The following BICD1 variants were observed in gnomAD, a reference collection of about 807,000 sequenced individuals.
BICD1 encodes the protein protein bicaudal D homolog 1.
Under a neutral mutation model 92.5 loss-of-function variants are expected in BICD1, and 35 were observed. That is an observed-to-expected ratio of 0.38 (90% confidence interval 0.29 to 0.50). BICD1 has a LOEUF of 0.50. BICD1 is among the 20% of genes least tolerant of loss of function. The pLI, the probability that BICD1 is intolerant of heterozygous loss-of-function variation, is 0.93. For synonymous variants in BICD1, 429 were observed against 465.1 expected, an observed-to-expected ratio of 0.92 and a Z score of 1.00; for missense variants, 950 against 1,189.8, an observed-to-expected ratio of 0.80 and a Z score of 2.97.
rs1319056697 is a variant in BICD1 at position 32,119,673 on chromosome 12, A to C, written c.213+12129A>C. On this transcript the variant is annotated intron_variant, in intron 1 of 9. Transcript: ENST00000652176. ...GATCATATGAGGCCAGGAGTTTGAG[A>C]CCAGCCTGACCAACGTGGCGAAACC... 5.9e-5 allele frequency among the ~76,000 whole-genome samples: 9 copies of C among 152,204 alleles called. No homozygotes were observed. The South Asian group carries it at 8.3e-4, about 14-fold the overall frequency.
At chr12:32,156,298 CAT>C (rs1305448998) in intron 1 of BICD1, among the ~76,000 whole-genome samples, 18 of 152,312 alleles carry the variant, frequency 1.2e-4, no homozygotes, top group African/African-American at 3.8e-4. Flanking sequence ...GTGGGACAAA[CAT>C]ACCTCTGTGT....
intron 2 of BICD1, among the ~76,000 whole-genome samples, chr12:32,261,258 C>CACAG (rs760963849): frequency 6.6e-6 from 1 of 152,198 alleles, no homozygotes; most frequent in Non-Finnish European, 1.5e-5. Flanking sequence ...CTCCTAGATG[C>CACAG]ACAGACGATG....
intron 1 of BICD1, among the ~76,000 whole-genome samples, chr12:32,194,884 AAAAAT>A (rs1307528850): frequency 2.0e-5 from 3 of 151,616 alleles, no homozygotes; most frequent in Non-Finnish European, 2.9e-5. Context: ...CTCCATCCCA[AAAAAT>A]AAAATAAAAC....
intron 3 of BICD1, among the ~76,000 whole-genome samples, chr12:32,297,948 G>A (rs945862670): frequency 6.6e-6 from 1 of 152,098 alleles, no homozygotes; most frequent in Non-Finnish European, 1.5e-5. Flanking sequence ...CACTTTGGGA[G>A]GCTGAGGAGG....
intron 4 of BICD1, among the ~76,000 whole-genome samples, chr12:32,324,053 G>A (rs989383856): frequency 3.3e-5 from 5 of 152,042 alleles, no homozygotes; most frequent in African/African-American, 7.2e-5. Context: ...GCTTAGGGCC[G>A]GGCGCGGTGG....
At chr12:32,374,635 T>C (rs1484511286) in intron 9 of BICD1, among the ~76,000 whole-genome samples, 2 of 147,960 alleles carry the variant, frequency 1.4e-5, no homozygotes, top group South Asian at 2.2e-4. Flanking sequence ...TGGCGTGATC[T>C]CAGCTCACCG....
chr12:32,110,065 A>C (rs1941629467), intron 1 of BICD1, among the ~76,000 whole-genome samples: 1 of 152,262 alleles, frequency 6.6e-6, no homozygotes, highest in Non-Finnish European at 1.5e-5. Flanking sequence ...GTTTATGGGA[A>C]TGTCAACAGA....
intron 5 of BICD1, chr12:32,333,339 C>T (rs1937961813): frequency 2.2e-6 from 2 of 904,480 alleles, no homozygotes; most frequent in Non-Finnish European, 2.6e-6. Context: ...AGTAAAGTCT[C>T]ATTTTAATCT....
At chr12:32,166,403 T>C (rs1042167382) in intron 1 of BICD1, among the ~76,000 whole-genome samples, 1 of 152,118 alleles carries the variant, frequency 6.6e-6, no homozygotes, top group East Asian at 1.9e-4. Flanking sequence ...CCCAAAGTGC[T>C]GGGATTACAG....
chr12:32,130,343 A>G (rs953497577), intron 1 of BICD1, among the ~76,000 whole-genome samples: 1 of 152,016 alleles, frequency 6.6e-6, no homozygotes, highest in South Asian at 2.1e-4. Flanking sequence ...AGCTGGGACT[A>G]CAGGCGCCTG....
chr12:32,107,244 C>A lies in BICD1; in HGVS notation c.-88C>A. 8.1e-7 allele frequency: 1 copy of A among 1,234,858 alleles called. No individual in the cohort carries two copies. The highest frequency in any genetic ancestry group is 1.5e-5 in the South Asian group (1 of 68,692). 76.5% of individuals were successfully genotyped at this position (1,234,858 alleles called of 1,614,324 possible). On this transcript the variant is annotated 5_prime_UTR_variant, in exon 1 of 10. Transcript: ENST00000652176. Reference sequence around the variant, plus strand: ...ACTTTCTTTTCCGTTTCCACCCATCCCTTCCCATTTCCTTCTCCCTTTCCC... The same window carrying A: ...ACTTTCTTTTCCGTTTCCACCCATCACTTCCCATTTCCTTCTCCCTTTCCC...
chr12:32,289,777 T>C (rs1373580185), intron 2 of BICD1, among the ~76,000 whole-genome samples: 2 of 152,242 alleles, frequency 1.3e-5, no homozygotes, highest in African/African-American at 4.8e-5. Flanking sequence ...ATTTACTATT[T>C]CATAAATTCA....
Position 32,337,632 on chromosome 12 carries a change from G to GTCAA in BICD1, c.2386_2387insTCAA (p.Asp796ValfsTer6). On this transcript the variant is annotated frameshift_variant, in exon 7 of 10. Transcript: ENST00000652176. LOFTEE classifies it high-confidence loss of function. This position sits in a 1 kb window ranked among gnomAD's most constrained non-coding sequence, Gnocchi z 4.7. The stretch of plus-strand genomic sequence containing the variant: ...ACTCGCCCTGACCCAGAGGCTGGAG[G>GTCAA]ACTTAGAGTTTGACCATGAGCAGTC... 1 of 1,614,170 alleles carries GTCAA rather than the reference G, an allele frequency of 6.2e-7. No homozygotes were observed. Among genetic ancestry groups the GTCAA allele is most frequent in the Non-Finnish European group, 8.5e-7 (1 of 1,180,028 alleles).
chr12:32,379,887 C>T lies in BICD1; in HGVS notation c.*2260C>T, dbSNP rs1279637172. ...GTGATGACGGGGCAGTATTGCCAGT[C>T]GGCAATGTTGTATTTGCATTCTTTA... is the stretch of plus-strand genomic sequence containing the variant. On this transcript the variant is annotated 3_prime_UTR_variant, in exon 10 of 10. Transcript: ENST00000652176. 1 of 152,138 alleles carries T rather than the reference C, an allele frequency of 6.6e-6. No homozygotes were observed. The highest frequency in any genetic ancestry group is 1.9e-4 in the East Asian group (1 of 5,190). 9.4% of individuals were successfully genotyped at this position (152,138 alleles called of 1,614,324 possible).
In BICD1 at chr12:32,375,004, C is replaced by T. The variant is rs1321585616; in HGVS notation, c.2841-2536C>T. The stretch of plus-strand genomic sequence containing the variant: ...CGCGATCTCGGCTCACTGCAAGCTC[C>T]GCCTCCCGGGTTCACGCCATTCTCC... On this transcript the variant is annotated intron_variant, in intron 9 of 9. Transcript: ENST00000652176. 3.1e-4 allele frequency among the ~76,000 whole-genome samples: 42 copies of T among 136,192 alleles called. 1 individual carries two copies. The highest frequency in any genetic ancestry group is 4.7e-5 in the Non-Finnish European group (3 of 63,426). 89.3% of individuals were successfully genotyped at this position (136,192 alleles called of 152,430 possible).
At chr12:32,203,041 ACACT>A (rs142252954) in intron 1 of BICD1, among the ~76,000 whole-genome samples, 9,939 of 152,246 alleles carry the variant, frequency 0.065, 334 homozygotes, top group South Asian at 0.11. Flanking sequence ...AGAAACAGAA[ACACT>A]CACGTCAGTG....
chr12:32,161,125 T>C (rs998617985), intron 1 of BICD1, among the ~76,000 whole-genome samples: 11 of 152,194 alleles, frequency 7.2e-5, no homozygotes, highest in African/African-American at 2.7e-4. Context: ...CTCACCTAAA[T>C]GCAATCTTTA....
chr12:32,190,318 A>AC (rs1673990410), intron 1 of BICD1, among the ~76,000 whole-genome samples: 1 of 152,214 alleles, frequency 6.6e-6, no homozygotes, highest in African/African-American at 2.4e-5. Flanking sequence ...TTAAAAGAAA[A>AC]CCCAAGATCT....
intron 9 of BICD1, among the ~76,000 whole-genome samples, chr12:32,368,804 C>G (rs766385843): frequency 1.3e-5 from 2 of 151,970 alleles, no homozygotes; most frequent in Non-Finnish European, 2.9e-5. Flanking sequence ...AATCTCAGCA[C>G]TTTGGGAGGC....
Sources: gnomAD v4.1 joint callset for allele counts (sites outside exome capture counted in the v4.1 genomes callset) on GRCh38, gnomAD v4.1.1 for gene constraint, Gnocchi (gnomAD v3.1) non-coding constraint, MANE v1.5 for transcripts, NCBI Gene and HGNC (gene_info 2026-07-23, HGNC 2026-07-21) for gene names.